DGKH: variants seen among roughly 807,000 people sequenced by gnomAD.
DGKH encodes the protein DAG kinase eta.
A neutral mutation model predicts 159.3 loss-of-function variants in DGKH; 90 were observed. The ratio of observed to expected loss-of-function variants is 0.57; its 90% CI spans 0.48 to 0.67. DGKH has a LOEUF of 0.67. DGKH is among the 30% of genes least tolerant of loss of function. The pLI is 0.00. For missense variants in DGKH, 1,181 were observed against 1,506.1 expected (o/e 0.78, Z 3.57); for synonymous variants, 536 against 553.8 (o/e 0.97, Z 0.45).
intron 20 of DGKH, among the ~76,000 whole-genome samples, chr13:42,202,434 G>A (rs1164707049): frequency 6.6e-6 from 1 of 152,070 alleles, no homozygotes; most frequent in Admixed American, 6.6e-5. Context: ...CCTCAGATAA[G>A]TTTTCCCTCC....
intron 1 of DGKH, among the ~76,000 whole-genome samples, chr13:42,073,348 G>A (rs1883100247): frequency 6.6e-6 from 1 of 152,322 alleles, no homozygotes; most frequent in East Asian, 1.9e-4. Context: ...GGGGGAGACA[G>A]CTATATGTAC....
chr13:42,044,861 G>A (rs1880716211), upstream of DGKH, among the ~76,000 whole-genome samples: 1 of 152,176 alleles, frequency 6.6e-6, no homozygotes, highest in Non-Finnish European at 1.5e-5. Context: ...TTAGTGGTGG[G>A]CATGGATGGG....
chr13:42,157,158 C>T (rs188420524), intron 5 of DGKH, among the ~76,000 whole-genome samples: 1 of 152,074 alleles, frequency 6.6e-6, no homozygotes, highest in South Asian at 2.1e-4. Flanking sequence ...TCTTTTTAGA[C>T]TTAAAGAATG....
chr13:42,046,188 A>G (rs578180655), upstream of DGKH, among the ~76,000 whole-genome samples: 1 of 152,372 alleles, frequency 6.6e-6, no homozygotes, highest in East Asian at 1.9e-4. Flanking sequence ...TGAAATCACT[A>G]AGTAAGGAAA....
At chr13:42,190,576 G>C in intron 16 of DGKH, 51 bp downstream of exon 16, 1 of 1,532,054 alleles carries the variant, frequency 6.5e-7, no homozygotes, top group Non-Finnish European at 8.8e-7. Flanking sequence ...ATGTCATTTT[G>C]CTTTTAGTTT....
chr13:42,229,192 T>C lies in DGKH; in HGVS notation c.*4T>C. ...CACTCCACAGTCGGAGGTGTAATCATATTGGTGCTATTTCTTGGAAGAGAA... is the reference window on the plus strand; with the variant it reads ...CACTCCACAGTCGGAGGTGTAATCACATTGGTGCTATTTCTTGGAAGAGAA... On this transcript the variant is annotated 3_prime_UTR_variant, in exon 30 of 30. Coordinates refer to ENST00000337343, the MANE Select transcript of DGKH (RefSeq NM_178009.5). The C allele has an allele frequency of 6.2e-7, 1 of 1,604,414 alleles. No individual in the cohort carries two copies. The highest frequency in any genetic ancestry group is 8.5e-7 in the Non-Finnish European group (1 of 1,177,146).
Position 42,187,032 on chromosome 13 carries a change from A to T in DGKH, c.1539-17A>T, listed in dbSNP as rs1422343201. On this transcript the variant is annotated splice_polypyrimidine_tract_variant and intron_variant, in intron 13 of 29. Transcript: ENST00000337343. Reference sequence around the variant, plus strand: ...TTCATGAAGCTTACTAAATTGTACAACTTCTTTTCCTCAAAGGACGCTATG... The same window carrying T: ...TTCATGAAGCTTACTAAATTGTACATCTTCTTTTCCTCAAAGGACGCTATG... 6.2e-7 allele frequency: 1 copy of T among 1,606,532 alleles called. No individual in the cohort carries two copies. The highest frequency in any genetic ancestry group is 8.5e-7 in the Non-Finnish European group (1 of 1,173,820).
chr13:42,095,559 T>TA (rs1385036973), intron 1 of DGKH, among the ~76,000 whole-genome samples: 7 of 152,164 alleles, frequency 4.6e-5, no homozygotes, highest in Non-Finnish European at 7.4e-5. Context: ...TAACTTGAAT[T>TA]AGACACTGAT....
chr13:42,189,086 A>C lies in DGKH; in HGVS notation c.1689A>C (p.Thr563=). Residue 563 remains threonine (T), a synonymous_variant, in exon 15 of 30, where the codon ACA becomes ACC. Coordinates refer to ENST00000337343, the MANE Select transcript of DGKH (RefSeq NM_178009.5). Reference sequence around the variant, plus strand: ...AACAACTGCTGCAGGCTTTGCACACAGATTCCCAGGCTGCGCCTGTTCTCC... The same window carrying C: ...AACAACTGCTGCAGGCTTTGCACACCGATTCCCAGGCTGCGCCTGTTCTCC... ...KLEQLLQALH[T]DSQAAPVLPG... 1 of 1,614,178 alleles carries C rather than the reference A, an allele frequency of 6.2e-7. No homozygotes were observed. The highest frequency in any genetic ancestry group is 1.3e-5 in the African/African-American group (1 of 75,082).
At chr13:42,228,134 C>T (rs1958180994) in intron 29 of DGKH, among the ~76,000 whole-genome samples, 1 of 151,910 alleles carries the variant, frequency 6.6e-6, no homozygotes. Flanking sequence ...AGTTATTCAC[C>T]CTTGGATAGG....
chr13:42,203,133 T>A (rs1304724402), intron 20 of DGKH, among the ~76,000 whole-genome samples: 1 of 152,224 alleles, frequency 6.6e-6, no homozygotes, highest in Non-Finnish European at 1.5e-5. Flanking sequence ...AATAGTAATT[T>A]CTGTATTTGT....
At chr13:42,228,531 G>A (rs904600572) in intron 29 of DGKH, among the ~76,000 whole-genome samples, 3 of 151,962 alleles carry the variant, frequency 2.0e-5, no homozygotes, top group Non-Finnish European at 4.4e-5. Context: ...AAGAAATGTT[G>A]CCTTAGGACT....
chr13:42,146,999 G>A lies in DGKH; in HGVS notation c.385-8292G>A, dbSNP rs190348706. 2.8e-3 allele frequency among the ~76,000 whole-genome samples: 420 copies of A among 152,270 alleles called. 1 individual carries two copies. Among genetic ancestry groups the A allele is most frequent in the Non-Finnish European group, 4.7e-3 (322 of 68,020 alleles). ...GGAAGACCACCTTAGACACTGTCAG[G>A]ATGTTCAGGGAAACCAGGATAAGGA... On this transcript the variant is annotated intron_variant, in intron 3 of 29. Coordinates refer to ENST00000337343, the MANE Select transcript of DGKH (RefSeq NM_178009.5).
chr13:42,044,986 C>T (rs564558259), upstream of DGKH, among the ~76,000 whole-genome samples: 8 of 152,224 alleles, frequency 5.3e-5, no homozygotes, highest in African/African-American at 1.9e-4. Flanking sequence ...TTGGGGGATG[C>T]TAGAGTACAC....
rs1957586154 is a variant in DGKH at position 42,209,528 on chromosome 13, A to T, written c.2850+63A>T. Reference sequence around the variant, plus strand: ...TTTTTAAAGAATCTGAAATTGTTATAAAAAAATAGAAAATGAAAACATTTA... The same window carrying T: ...TTTTTAAAGAATCTGAAATTGTTATTAAAAAATAGAAAATGAAAACATTTA... On this transcript the variant is annotated intron_variant, in intron 23 of 29. Transcript: ENST00000337343. 2.1e-6 allele frequency: 3 copies of T among 1,436,314 alleles called. No individual in the cohort carries two copies. The South Asian group carries it at 4.6e-5, about 22-fold the overall frequency. The allele number at this position is 1,436,314 out of a possible 1,614,324, so 89.0% of individuals were successfully genotyped here.
At chr13:42,071,176 ATCTTTC>A in intron 1 of DGKH, 1 of 534,384 alleles carries the variant, frequency 1.9e-6, no homozygotes, top group Non-Finnish European at 3.3e-6. Flanking sequence ...AAAAGGAAAG[ATCTTTC>A]AAAAAGGGAT....
chr13:42,237,186 GT>G lies in DGKH; in HGVS notation c.*8002del, dbSNP rs1958432865. ...TGTTTTCAAGGAAGAAGAAAAAACT[GT>G]TTTGACTTAATGTGAAGCAGGGGTT... On this transcript the variant is annotated 3_prime_UTR_variant, in exon 30 of 30. Transcript: ENST00000337343. 6.6e-6 allele frequency: 1 copy of G among 152,132 alleles called. No homozygotes were observed. Among genetic ancestry groups the G allele is most frequent in the Non-Finnish European group, 1.5e-5 (1 of 68,028 alleles). 9.4% of individuals were successfully genotyped at this position (152,132 alleles called of 1,614,324 possible).
At chr13:42,071,939 G>GA (rs1022650461) in intron 1 of DGKH, among the ~76,000 whole-genome samples, 12 of 152,168 alleles carry the variant, frequency 7.9e-5, no homozygotes, top group Admixed American at 2.0e-4. Context: ...GAGACAGAAG[G>GA]ATGTGGTTTA....
At chr13:42,080,478 T>C (rs764653542) in intron 1 of DGKH, among the ~76,000 whole-genome samples, 1 of 152,220 alleles carries the variant, frequency 6.6e-6, no homozygotes, top group Non-Finnish European at 1.5e-5. Flanking sequence ...GTGAAATTTT[T>C]TGAGTGGTCA....
Sources: gnomAD v4.1 joint callset for allele counts (sites outside exome capture counted in the v4.1 genomes callset) on GRCh38, gnomAD v4.1.1 for gene constraint, MANE v1.5 for transcripts, NCBI Gene and HGNC (gene_info 2026-07-23, HGNC 2026-07-21) for gene names.